Variants in BANK1 observed in about 807,000 individuals in gnomAD.
The protein encoded by BANK1 is B-cell scaffold protein with ankyrin repeats.
BANK1 carries 95 observed loss-of-function variants against 94.5 expected under a neutral mutation model. That is an observed-to-expected ratio of 1.00 (90% CI 0.85 to 1.19). The LOEUF is 1.19. Among genes scored for constraint, BANK1 ranks in the 50% most tolerant of loss-of-function variants. The pLI is 0.00. For synonymous variants in BANK1, 334 were observed against 308.4 expected (o/e 1.08, Z -0.87); for missense variants, 987 against 932.2 (o/e 1.06, Z -0.77).
chr4:101,927,262 T>C (rs1320357188), intron 7 of BANK1, among the ~76,000 whole-genome samples: 1 of 151,646 alleles, frequency 6.6e-6, no homozygotes, highest in African/African-American at 2.4e-5. Flanking sequence ...CATCAGATCT[T>C]ATGAGAACTC....
At chr4:101,924,787 C>G (rs951496136) in intron 7 of BANK1, among the ~76,000 whole-genome samples, 2 of 151,690 alleles carry the variant, frequency 1.3e-5, no homozygotes. Flanking sequence ...ATTTGTATTT[C>G]CAATTTCTCG....
At chr4:101,825,503 A>T (rs1439741873) in intron 1 of BANK1, among the ~76,000 whole-genome samples, 2 of 152,138 alleles carry the variant, frequency 1.3e-5, no homozygotes, top group Non-Finnish European at 2.9e-5. Context: ...TTAGCTTCAT[A>T]TGAAAAGAAA....
At chr4:101,955,733 A>G (rs1279711548) in intron 7 of BANK1, among the ~76,000 whole-genome samples, 7 of 152,162 alleles carry the variant, frequency 4.6e-5, no homozygotes, top group African/African-American at 1.7e-4. Flanking sequence ...GTCCCATGTA[A>G]AAACCTATAT....
At chr4:102,014,692 T>C (rs1726632356) in intron 7 of BANK1, among the ~76,000 whole-genome samples, 1 of 152,284 alleles carries the variant, frequency 6.6e-6, no homozygotes, top group Middle Eastern at 3.4e-3. Flanking sequence ...CCTAGTATTA[T>C]AGTATTATAC....
chr4:101,826,169 A>G (rs1317697903), intron 1 of BANK1, among the ~76,000 whole-genome samples: 2 of 152,098 alleles, frequency 1.3e-5, no homozygotes, highest in Non-Finnish European at 2.9e-5. Context: ...GACTCCCAGT[A>G]AGCCTTCACA....
chr4:101,871,105 T>C lies in BANK1; in HGVS notation c.903+461T>C, dbSNP rs542231516. Among the ~76,000 whole-genome samples, 51 of 152,288 alleles carry C rather than the reference T, an allele frequency of 3.3e-4. 1 individual carries two copies. In the South Asian group the frequency reaches 8.1e-3, roughly 24 times the overall value. ...CAATCTAGAAATTGTTACTTTCATG[T>C]GGACACATCTAAGCTCAGTGTATGT... On this transcript the variant is annotated intron_variant, in intron 5 of 16. Coordinates refer to ENST00000322953, the MANE Select transcript of BANK1 (RefSeq NM_017935.5).
chr4:101,903,149 C>G (rs1311759558), intron 6 of BANK1, among the ~76,000 whole-genome samples: 1 of 152,130 alleles, frequency 6.6e-6, no homozygotes, highest in Non-Finnish European at 1.5e-5. Context: ...ATTATTAGCC[C>G]CATCTGTAAA....
At chr4:101,803,621 A>AT (rs1487603152) in intron 1 of BANK1, among the ~76,000 whole-genome samples, 1 of 152,144 alleles carries the variant, frequency 6.6e-6, no homozygotes, top group Non-Finnish European at 1.5e-5. Context: ...TTATATGTGG[A>AT]TTTTTTTCAA....
intron 7 of BANK1, among the ~76,000 whole-genome samples, chr4:101,925,516 A>G (rs1331943974): frequency 6.6e-6 from 1 of 151,786 alleles, no homozygotes; most frequent in Non-Finnish European, 1.5e-5. Context: ...GAAATAATAT[A>G]CATGTGCTTA....
chr4:101,834,955 A>AT (rs1726769052), intron 2 of BANK1, among the ~76,000 whole-genome samples: 2 of 152,120 alleles, frequency 1.3e-5, no homozygotes, highest in African/African-American at 4.8e-5. Context: ...AGTAATTTAT[A>AT]TTTTCTCCTA....
At chr4:101,952,699 C>A (rs1007294923) in intron 7 of BANK1, among the ~76,000 whole-genome samples, 2 of 152,076 alleles carry the variant, frequency 1.3e-5, no homozygotes, top group Admixed American at 1.3e-4. Context: ...ACCTTGATTA[C>A]GGCAAATCCA....
chr4:102,052,533 T>TTTA (rs1268319637), intron 11 of BANK1, among the ~76,000 whole-genome samples: 2 of 152,150 alleles, frequency 1.3e-5, no homozygotes, highest in Non-Finnish European at 2.9e-5. Context: ...CTGTTAATGA[T>TTTA]TTATTTATTT....
intron 5 of BANK1, among the ~76,000 whole-genome samples, chr4:101,872,537 A>G (rs1452043803): frequency 6.6e-6 from 1 of 152,056 alleles, no homozygotes; most frequent in Non-Finnish European, 1.5e-5. Context: ...AGCACTTTCT[A>G]CCCCTGAGGA....
intron 13 of BANK1, among the ~76,000 whole-genome samples, chr4:102,068,451 GACA>G (rs1214251226): frequency 2.6e-5 from 4 of 151,868 alleles, no homozygotes; most frequent in African/African-American, 9.7e-5. Flanking sequence ...GAAAAAAAAA[GACA>G]ACAAGATACC....
chr4:101,974,745 C>T lies in BANK1; in HGVS notation c.1207-46769C>T, dbSNP rs1813609. On this transcript the variant is annotated intron_variant, in intron 7 of 16. Transcript: ENST00000322953. Reference sequence around the variant, plus strand: ...AGCTCTATACCTGATGTCAGGAGTTCGAGACCAGCCTGGCCAACATGGTGA... The same window carrying T: ...AGCTCTATACCTGATGTCAGGAGTTTGAGACCAGCCTGGCCAACATGGTGA... Among the ~76,000 whole-genome samples, 557 of 151,384 alleles carry T rather than the reference C, an allele frequency of 3.7e-3. 3 individuals carry two copies. Among genetic ancestry groups the T allele is most frequent in the African/African-American group, 0.013 (525 of 41,182 alleles).
intron 7 of BANK1, among the ~76,000 whole-genome samples, chr4:102,007,170 A>G (rs190853065): frequency 0.011 from 1,209 of 113,254 alleles, 46 homozygotes; most frequent in Non-Finnish European, 0.017. Context: ...ATATATATAT[A>G]AAATCCCTAA....
chr4:102,041,043 TCTAA>T (rs764556259), intron 10 of BANK1, among the ~76,000 whole-genome samples: 4 of 152,066 alleles, frequency 2.6e-5, no homozygotes, highest in South Asian at 2.1e-4. Context: ...CAAATTCTCG[TCTAA>T]CTAACCACAA....
In BANK1 at chr4:102,025,491, C is replaced by A. The variant is rs776298471; in HGVS notation, c.1576C>A (p.Pro526Thr). ...AGCTAATGCCTTCCAACTGGAAAGA[C>A]CTCACTTCACCTTACCAGGTAAGTT... ...PVANAFQLER[P>T]HFTLPGTMVE... Residue 526 changes from proline to threonine, a missense_variant, in exon 9 of 17, where the codon CCT becomes ACT. Coordinates refer to ENST00000322953, the MANE Select transcript of BANK1 (RefSeq NM_017935.5). The A allele has an allele frequency of 3.7e-6, 6 of 1,613,286 alleles. No individual in the cohort carries two copies. The South Asian group carries it at 6.6e-5, about 18-fold the overall frequency.
intron 7 of BANK1, among the ~76,000 whole-genome samples, chr4:101,949,717 A>C (rs1358979606): frequency 1.3e-5 from 2 of 152,196 alleles, no homozygotes; most frequent in African/African-American, 4.8e-5. Flanking sequence ...ATGAAAAAGT[A>C]ATAAATGTAC....
Sources: gnomAD v4.1 joint callset for allele counts (sites outside exome capture counted in the v4.1 genomes callset) on GRCh38, gnomAD v4.1.1 for gene constraint, MANE v1.5 for transcripts, NCBI Gene and HGNC (gene_info 2026-07-23, HGNC 2026-07-21) for gene names.